TTF2: variants seen among roughly 807,000 people sequenced by gnomAD.
The protein encoded by TTF2 is RNA polymerase II termination factor.
A neutral mutation model predicts 142.4 loss-of-function variants in TTF2; 108 were observed. The observed-to-expected ratio is 0.76, with a 90% CI of 0.65 to 0.89. TTF2 has a LOEUF of 0.89. TTF2 is among the 40% of genes least tolerant of loss of function. The pLI is 0.00. For missense variants in TTF2, 1,327 were observed against 1,379.8 expected, an observed-to-expected ratio of 0.96 and a Z score of 0.61; for synonymous variants, 483 against 506.2, an observed-to-expected ratio of 0.95 and a Z score of 0.61.
In TTF2 at chr1:117,086,596, A is replaced by G. The variant is rs1050969261; in HGVS notation, c.2160+74A>G. ...TTAATGGGAGTCTTTCTCAGCCTCC[A>G]CGATAGCAAGAGGACCTCCCTGGAG... On this transcript the variant is annotated intron_variant, in intron 12 of 22. Transcript: ENST00000369466. The surrounding 1 kb of genome is among the most constrained non-coding windows in gnomAD (Gnocchi z 4.2). 12 of 1,093,724 alleles carry G rather than the reference A, an allele frequency of 1.1e-5. No homozygotes were observed. The African/African-American group carries it at 1.7e-4, about 16-fold the overall frequency. 67.8% of individuals were successfully genotyped at this position (1,093,724 alleles called of 1,614,324 possible).
chr1:117,083,959 G>A (rs2101079158), intron 10 of TTF2, 59 bp from the exon 11 acceptor site: 1 of 1,596,114 alleles, frequency 6.3e-7, no homozygotes, highest in Non-Finnish European at 8.6e-7. Flanking sequence ...TATTAAAAAA[G>A]AAAAGTTAAA....
rs532629549 is a variant in TTF2, at chr1:117,060,487, G to A, written c.61G>A (p.Asp21Asn). 3.7e-6 allele frequency: 6 copies of A among 1,613,960 alleles called. No individual in the cohort carries two copies. In the South Asian group the frequency reaches 5.5e-5, roughly 15 times the overall value. The change falls in exon 2 of 23, where the codon GAT becomes AAT. Residue 21 changes from aspartate to asparagine, a missense_variant. Transcript: ENST00000369466. The part of the protein sequence containing the change: ...TFCFLKTGVR[D>N]GPNKGKSFYV... ...CTGCTTTCTTAAGACCGGCGTCCGC[G>A]ATGGCCCGAATAAAGGAAAGAGCTT...
In TTF2 at chr1:117,086,472, C is replaced by G. The variant is rs968096857; in HGVS notation, c.2110C>G (p.Pro704Ala). 1 of 1,613,946 alleles carries G rather than the reference C, an allele frequency of 6.2e-7. No individual in the cohort carries two copies. Among genetic ancestry groups the G allele is most frequent in the Non-Finnish European group, 8.5e-7 (1 of 1,180,000 alleles). Residue 704 changes from proline to alanine, a missense_variant, in exon 12 of 23, where the codon CCC (proline) becomes GCC (alanine). Pro to Ala is a conservative substitution (Grantham distance 27). Coordinates refer to ENST00000369466, the MANE Select transcript of TTF2 (RefSeq NM_003594.4). The surrounding 1 kb of genome is among the most constrained non-coding windows in gnomAD (Gnocchi z 4.2). ...TTYSLVAKEI[P>A]TNKQEAEIPG... is the part of the protein sequence containing the mutation. ...CTATAGCCTCGTGGCCAAGGAGATT[C>G]CCACAAACAAGCAAGAGGCAGAGAT...
chr1:117,091,786 C>A, intron 16 of TTF2, 31 bp from the exon 17 acceptor site: 1 of 1,607,572 alleles, frequency 6.2e-7, no homozygotes. Context: ...AAATCCTGTA[C>A]CATCCTGTGG....
Position 117,080,260 on chromosome 1 carries a change from C to T in TTF2, c.1783+611C>T, listed in dbSNP as rs1016406553. On this transcript the variant is annotated intron_variant, in intron 9 of 22. Transcript: ENST00000369466. This position sits in a 1 kb window ranked among gnomAD's most constrained non-coding sequence, Gnocchi z 4.3. The stretch of plus-strand genomic sequence containing the variant: ...TCCTGACCTCAGGTGCTCCACCTGC[C>T]TTGGCCTTCCCAAAGTGCTGGGATT... Among the ~76,000 whole-genome samples, 1 of 152,192 alleles carries T rather than the reference C, an allele frequency of 6.6e-6. No individual in the cohort carries two copies. The highest frequency in any genetic ancestry group is 2.4e-5 in the African/African-American group (1 of 41,462).
intron 7 of TTF2, among the ~76,000 whole-genome samples, chr1:117,077,504 G>GTT (rs1279219775): frequency 5.9e-5 from 9 of 152,202 alleles, no homozygotes; most frequent in African/African-American, 2.2e-4. Flanking sequence ...GTGTGTAAGT[G>GTT]TGTGTAAGAC....
At chr1:117,078,498 G>A (rs898095641) in intron 8 of TTF2, among the ~76,000 whole-genome samples, 1 of 152,220 alleles carries the variant, frequency 6.6e-6, no homozygotes, top group Non-Finnish European at 1.5e-5. Context: ...GTGCCTTAAA[G>A]GTTGAAAGCC....
chr1:117,081,319 A>G (rs1647492334), intron 9 of TTF2, among the ~76,000 whole-genome samples: 1 of 152,256 alleles, frequency 6.6e-6, no homozygotes, highest in African/African-American at 2.4e-5. Context: ...GAGTATAAAT[A>G]ATAAATTAGA....
chr1:117,094,774 A>G (rs946172186), intron 18 of TTF2: 5 of 397,042 alleles, frequency 1.3e-5, no homozygotes, highest in African/African-American at 1.1e-4. Context: ...AAGAGATAAT[A>G]AGCAATTAAT....
intron 2 of TTF2, 108 bp from the exon 3 acceptor site, chr1:117,062,279 G>A: frequency 1.0e-6 from 1 of 958,174 alleles, no homozygotes. Flanking sequence ...ACCCAGTAGA[G>A]GTTATACATA....
Position 117,076,043 on chromosome 1 carries a change from A to T in TTF2, c.1276-137A>T, listed in dbSNP as rs775394273. 1,049 of 1,297,116 alleles carry T rather than the reference A, an allele frequency of 8.1e-4. 2 individuals carry two copies. The highest frequency in any genetic ancestry group is 8.1e-4 in the Non-Finnish European group (776 of 963,158). 80.4% of individuals were successfully genotyped at this position (1,297,116 alleles called of 1,614,324 possible). Reference sequence around the variant, plus strand: ...TGGTAAGCCAGCTGGGTTAAAATTTAAAAAAGGTTCTGGTTTTTGCACACA... The same window carrying T: ...TGGTAAGCCAGCTGGGTTAAAATTTTAAAAAGGTTCTGGTTTTTGCACACA... On this transcript the variant is annotated intron_variant, in intron 5 of 22. Coordinates refer to ENST00000369466, the MANE Select transcript of TTF2 (RefSeq NM_003594.4). This position sits in a 1 kb window ranked among gnomAD's most constrained non-coding sequence, Gnocchi z 4.6.
Position 117,091,441 on chromosome 1 carries a change from G to T in TTF2, c.2671+31G>T. Reference sequence around the variant, plus strand: ...CTGTAGGACTCTCATAAATACATATGACTGGTGAAAATGGGGATTTGGATT... The same window carrying T: ...CTGTAGGACTCTCATAAATACATATTACTGGTGAAAATGGGGATTTGGATT... On this transcript the variant is annotated intron_variant, in intron 16 of 22. Transcript: ENST00000369466. 1.9e-6 allele frequency: 3 copies of T among 1,573,126 alleles called. No homozygotes were observed. The South Asian group carries it at 3.5e-5, about 18-fold the overall frequency.
Position 117,096,195 on chromosome 1 carries a change from C to T in TTF2, c.3082C>T (p.His1028Tyr). Residue 1028 changes from histidine (H) to tyrosine (Y), a missense_variant, in exon 20 of 23, where the codon CAC becomes TAC. Transcript: ENST00000369466. The stretch of plus-strand genomic sequence containing the variant: ...CAACATGCTGAAAGTTGTAGCATTG[C>T]ACCTGAAGAAGCATGGACTGACTTA... ...WTNMLKVVAL[H>Y]LKKHGLTYAT... 6.2e-7 allele frequency: 1 copy of T among 1,614,076 alleles called. No individual in the cohort carries two copies. The highest frequency in any genetic ancestry group is 8.5e-7 in the Non-Finnish European group (1 of 1,180,010).
At chr1:117,066,954 C>T (rs1656190547) in intron 3 of TTF2, among the ~76,000 whole-genome samples, 2 of 152,132 alleles carry the variant, frequency 1.3e-5, no homozygotes, top group African/African-American at 4.8e-5. Flanking sequence ...CTGCCTGCCT[C>T]AGCCTCCCAG....
Position 117,106,768 on chromosome 1 carries a change from T to C in TTF2, c.*5244T>C, listed in dbSNP as rs901824350. ...AGTCAGAGTGAGATGTTTCTTCCTA[T>C]ACTGCCTGCTTCTAATGAGCATCCA... On this transcript the variant is annotated 3_prime_UTR_variant, in exon 23 of 23. Transcript: ENST00000369466. The C allele has an allele frequency of 6.6e-6, 1 of 152,252 alleles. No individual in the cohort carries two copies. The highest frequency in any genetic ancestry group is 1.5e-5 in the Non-Finnish European group (1 of 68,040). The allele number at this position is 152,252 out of a possible 1,614,324, so 9.4% of individuals were successfully genotyped here.
At position 117,079,946 on chromosome 1, in the gene TTF2, C is replaced by T. The variant is rs1456446544; in HGVS notation, c.1783+297C>T. On this transcript the variant is annotated intron_variant, in intron 9 of 22. Transcript: ENST00000369466. This position sits in a 1 kb window ranked among gnomAD's most constrained non-coding sequence, Gnocchi z 4.2. ...TCTAGGAGATACGGAGTGCCAGGCT[C>T]GAGGCCAATTTCAGGAGCCATGGCT... is the stretch of plus-strand genomic sequence containing the variant. Among the ~76,000 whole-genome samples the T allele has an allele frequency of 6.6e-6, 1 of 151,462 alleles. No individual in the cohort carries two copies. The highest frequency in any genetic ancestry group is 1.5e-5 in the Non-Finnish European group (1 of 67,988).
At chr1:117,077,404 A>T (rs930622907) in intron 7 of TTF2, among the ~76,000 whole-genome samples, 2 of 152,230 alleles carry the variant, frequency 1.3e-5, no homozygotes, top group African/African-American at 4.8e-5. Flanking sequence ...GGCACATAGG[A>T]GTCATCCAGT....
chr1:117,080,216 G>C lies in TTF2; in HGVS notation c.1783+567G>C, dbSNP rs532498836. Among the ~76,000 whole-genome samples the C allele has an allele frequency of 6.9e-4, 105 of 152,142 alleles. No individual in the cohort carries two copies. The highest frequency in any genetic ancestry group is 2.4e-3 in the African/African-American group (99 of 41,500). On this transcript the variant is annotated intron_variant, in intron 9 of 22. Coordinates refer to ENST00000369466, the MANE Select transcript of TTF2 (RefSeq NM_003594.4). This position sits in a 1 kb window ranked among gnomAD's most constrained non-coding sequence, Gnocchi z 4.3. ...AGTAGAGATGGGGTTTCGCCATGTT[G>C]GACAGGCTGGTCTCTAACTCCTGAC... is the stretch of plus-strand genomic sequence containing the variant.
chr1:117,095,558 G>A (rs1205288955), intron 19 of TTF2, among the ~76,000 whole-genome samples, 191 bp downstream of exon 19: 1 of 151,992 alleles, frequency 6.6e-6, no homozygotes, highest in African/African-American at 2.4e-5. Context: ...TAGAGGATCA[G>A]GGTAAGCGAA....
Sources: allele counts gnomAD v4.1 joint callset (sites outside exome capture counted in the v4.1 genomes callset), GRCh38; gene constraint gnomAD v4.1.1; non-coding constraint Gnocchi (gnomAD v3.1); transcripts MANE v1.5; gene names NCBI Gene and HGNC (gene_info 2026-07-23, HGNC 2026-07-21).